The following IL1RAPL2 variants were observed in gnomAD, a reference collection of about 807,000 sequenced individuals.
IL1RAPL2 encodes X-linked interleukin-1 receptor accessory protein-like 2.
IL1RAPL2 carries 3 observed loss-of-function variants against 44.1 expected under a neutral mutation model. The ratio of observed to expected loss-of-function variants is 0.07; its 90% CI spans 0.03 to 0.18. The LOEUF is 0.18. Ranked by LOEUF, IL1RAPL2 falls within the 10% of genes least tolerant of loss-of-function variation. The probability of loss-of-function intolerance (pLI) is 1.00; values close to 1 mark genes in which losing one functional copy is unlikely to be tolerated. For missense variants in IL1RAPL2, 391 were observed against 496.4 expected, an observed-to-expected ratio of 0.79 and a Z score of 2.02; for synonymous variants, 181 against 178.8, an observed-to-expected ratio of 1.01 and a Z score of -0.10.
At chrX:105,349,238 G>A (rs1169416684) in intron 5 of IL1RAPL2, among the ~76,000 whole-genome samples, 1 of 111,778 alleles carries the variant, frequency 8.9e-6, no homozygotes, top group Admixed American at 9.5e-5. Flanking sequence ...TTTGCACCAG[G>A]CTCATCAAAA....
intron 6 of IL1RAPL2, among the ~76,000 whole-genome samples, chrX:105,690,502 C>T (rs1474377294): frequency 4.5e-5 from 5 of 111,499 alleles, no homozygotes; most frequent in African/African-American, 1.6e-4. Context: ...TACACTTCTA[C>T]TTAATAATGA....
intron 5 of IL1RAPL2, among the ~76,000 whole-genome samples, chrX:105,480,356 T>G (rs1602430782): frequency 8.9e-6 from 1 of 112,106 alleles, no homozygotes; most frequent in East Asian, 2.8e-4. Flanking sequence ...GTCAAACATA[T>G]AAAACCTAGT....
intron 2 of IL1RAPL2, among the ~76,000 whole-genome samples, chrX:105,193,705 G>A (rs1018452380): frequency 9.0e-6 from 1 of 111,639 alleles, no homozygotes; most frequent in African/African-American, 3.3e-5. Context: ...GACAACCAGT[G>A]ATCAGTACAT....
intron 2 of IL1RAPL2, among the ~76,000 whole-genome samples, chrX:105,093,369 T>C (rs192750060): frequency 9.1e-4 from 102 of 111,902 alleles, no homozygotes; most frequent in Non-Finnish European, 1.7e-3. Context: ...ATTAACATCA[T>C]TTGATGAGAT....
At chrX:104,757,573 C>G (rs1932360473) in intron 2 of IL1RAPL2, among the ~76,000 whole-genome samples, 1 of 111,141 alleles carries the variant, frequency 9.0e-6, no homozygotes, top group Admixed American at 9.5e-5. Context: ...TGTCTGGTGA[C>G]ATGAGAAAAA....
intron 5 of IL1RAPL2, among the ~76,000 whole-genome samples, chrX:105,403,222 AT>A (rs920564894): frequency 2.7e-5 from 3 of 111,244 alleles, no homozygotes; most frequent in African/African-American, 9.8e-5. Context: ...GAATAGCATC[AT>A]TTTTTTTAAT....
At chrX:105,477,990 C>T (rs1382657878) in intron 5 of IL1RAPL2, among the ~76,000 whole-genome samples, 1 of 110,982 alleles carries the variant, frequency 9.0e-6, no homozygotes. Context: ...TGTGTGTGAT[C>T]AATGTCACTT....
chrX:105,386,358 A>G (rs1001281632), intron 5 of IL1RAPL2, among the ~76,000 whole-genome samples: 2 of 111,585 alleles, frequency 1.8e-5, no homozygotes, highest in African/African-American at 6.5e-5. Flanking sequence ...GGTTTGTTTG[A>G]GTTGTACATG....
Position 104,906,311 on chromosome X carries a change from A to G in IL1RAPL2, c.82+247316A>G, listed in dbSNP as rs376684225. Among the ~76,000 whole-genome samples the G allele has an allele frequency of 6.2e-3, 686 of 110,033 alleles. 3 individuals are homozygous for G. Among genetic ancestry groups the G allele is most frequent in the African/African-American group, 0.021 (648 of 30,277 alleles). Reference sequence around the variant, plus strand: ...TACCCTTTATTTCCTTCTCCTGCCTAATTGCCCTGGCCAGAACTTCCAACA... The same window carrying G: ...TACCCTTTATTTCCTTCTCCTGCCTGATTGCCCTGGCCAGAACTTCCAACA... On this transcript the variant is annotated intron_variant, in intron 2 of 10. Transcript: ENST00000372582.
chrX:104,781,126 AT>A (rs1409360045), intron 2 of IL1RAPL2, among the ~76,000 whole-genome samples: 1 of 107,750 alleles, frequency 9.3e-6, no homozygotes, highest in Non-Finnish European at 1.9e-5. Context: ...GACTTTTTTC[AT>A]TTTTTTAAAC....
chrX:105,379,132 G>A (rs767759686), intron 5 of IL1RAPL2, among the ~76,000 whole-genome samples: 4 of 111,521 alleles, frequency 3.6e-5, no homozygotes, highest in South Asian at 3.7e-4. Flanking sequence ...ATGGGGGGTC[G>A]AAACTATTAC....
intron 10 of IL1RAPL2, among the ~76,000 whole-genome samples, chrX:105,760,132 GAAT>G (rs2038674811): frequency 1.8e-5 from 2 of 111,833 alleles, no homozygotes; most frequent in Admixed American, 9.5e-5. Flanking sequence ...GAGGTCAATA[GAAT>G]AATATTTCTC....
chrX:104,950,025 C>T (rs186006930), intron 2 of IL1RAPL2, among the ~76,000 whole-genome samples: 72 of 110,992 alleles, frequency 6.5e-4, no homozygotes, highest in Admixed American at 4.9e-3. Flanking sequence ...GGGGTGTTAA[C>T]GTCTCCCTTT....
chrX:105,251,726 A>G (rs2034270313), intron 4 of IL1RAPL2, among the ~76,000 whole-genome samples: 2 of 110,235 alleles, frequency 1.8e-5, no homozygotes, highest in Non-Finnish European at 3.8e-5. Flanking sequence ...TGGATAAGTA[A>G]TTAAATATCA....
chrX:105,702,451 C>T (rs751702060), intron 6 of IL1RAPL2, among the ~76,000 whole-genome samples: 1 of 112,012 alleles, frequency 8.9e-6, no homozygotes, highest in South Asian at 3.7e-4. Flanking sequence ...TTGCTTATTC[C>T]CTACACGAGG....
At chrX:105,546,029 G>A (rs1371891119) in intron 6 of IL1RAPL2, among the ~76,000 whole-genome samples, 1 of 111,344 alleles carries the variant, frequency 9.0e-6, no homozygotes, top group Non-Finnish European at 1.9e-5. Context: ...TGACAACACG[G>A]TTGGGCATGG....
chrX:105,358,543 C>G (rs927202733), intron 5 of IL1RAPL2, among the ~76,000 whole-genome samples: 2 of 107,798 alleles, frequency 1.9e-5, no homozygotes, highest in Non-Finnish European at 3.8e-5. Flanking sequence ...TGGCATTTTC[C>G]CACATGCCTG....
At chrX:105,224,785 A>G (rs1252343863) in intron 3 of IL1RAPL2, among the ~76,000 whole-genome samples, 1 of 111,841 alleles carries the variant, frequency 8.9e-6, no homozygotes, top group Non-Finnish European at 1.9e-5. Flanking sequence ...TGAGGAAGTG[A>G]GAAATAGTTA....
chrX:104,803,206 T>G (rs1932897032), intron 2 of IL1RAPL2, among the ~76,000 whole-genome samples: 1 of 111,646 alleles, frequency 9.0e-6, no homozygotes, highest in African/African-American at 3.3e-5. Context: ...ACCCTAACTC[T>G]AAAATTTCGT....
Sources: gnomAD v4.1 joint callset for allele counts (sites outside exome capture counted in the v4.1 genomes callset) on GRCh38, gnomAD v4.1.1 for gene constraint, MANE v1.5 for transcripts, NCBI Gene and HGNC (gene_info 2026-07-23, HGNC 2026-07-21) for gene names.